The following STX8 variants were observed in gnomAD, a reference collection of about 807,000 sequenced individuals.
STX8 encodes syntaxin 8, also known as syntaxin-8.
A neutral mutation model predicts 37.5 loss-of-function variants in STX8; 23 were observed. The ratio of observed to expected loss-of-function variants is 0.61; its 90% confidence interval spans 0.44 to 0.87. STX8 has a LOEUF of 0.87. Among genes scored for constraint, STX8 ranks in the 40% least tolerant of loss-of-function variants. The pLI is 0.00. For missense variants in STX8, 313 were observed against 284.7 expected (o/e 1.10, Z -0.71); for synonymous variants, 115 against 99.1 (o/e 1.16, Z -0.95).
intron 6 of STX8, among the ~76,000 whole-genome samples, chr17:9,451,763 A>G (rs963473170): frequency 6.6e-6 from 1 of 150,672 alleles, no homozygotes; most frequent in African/African-American, 2.4e-5. Flanking sequence ...AAATATATTC[A>G]TATATACACA....
At chr17:9,329,236 C>T (rs778809304) in intron 7 of STX8, among the ~76,000 whole-genome samples, 3 of 152,020 alleles carry the variant, frequency 2.0e-5, no homozygotes, top group Non-Finnish European at 4.4e-5. Flanking sequence ...ACCAAAGTGC[C>T]AAACATCTGC....
intron 5 of STX8, among the ~76,000 whole-genome samples, chr17:9,502,552 AT>A (rs1200229398): frequency 1.3e-5 from 2 of 152,218 alleles, no homozygotes; most frequent in Non-Finnish European, 2.9e-5. Context: ...CATAAATATA[AT>A]TTTTACTTGC....
intron 6 of STX8, among the ~76,000 whole-genome samples, chr17:9,384,366 C>T (rs936886930): frequency 1.3e-5 from 2 of 151,984 alleles, no homozygotes; most frequent in African/African-American, 4.8e-5. Flanking sequence ...AGGCTGGATG[C>T]GGTGGCTCAC....
intron 7 of STX8, among the ~76,000 whole-genome samples, chr17:9,298,240 G>C (rs1908637642): frequency 6.6e-6 from 1 of 152,208 alleles, no homozygotes; most frequent in Admixed American, 6.5e-5. Context: ...CAGTAAAAGT[G>C]TCAGTGACTG....
intron 7 of STX8, among the ~76,000 whole-genome samples, chr17:9,369,296 C>T (rs905149487): frequency 2.0e-5 from 3 of 152,074 alleles, no homozygotes; most frequent in African/African-American, 4.8e-5. Flanking sequence ...GAGACAGACA[C>T]ACAAGAATGT....
intron 2 of STX8, among the ~76,000 whole-genome samples, chr17:9,559,123 G>T (rs914318186): frequency 3.9e-5 from 6 of 152,080 alleles, no homozygotes; most frequent in Admixed American, 1.3e-4. Context: ...TATCTAAGTA[G>T]TGGGATTTTC....
chr17:9,391,535 C>T (rs938086195), intron 6 of STX8, among the ~76,000 whole-genome samples: 2 of 151,132 alleles, frequency 1.3e-5, no homozygotes, highest in African/African-American at 2.4e-5. Flanking sequence ...CATGCAGCAA[C>T]AAAAAAGCAA....
chr17:9,440,530 T>TTTTTA (rs1904608095), intron 6 of STX8, among the ~76,000 whole-genome samples: 1 of 72,824 alleles, frequency 1.4e-5, no homozygotes, highest in African/African-American at 4.3e-5. Context: ...CAATGATTTT[T>TTTTTA]TTTTTTTTTT....
intron 4 of STX8, among the ~76,000 whole-genome samples, chr17:9,530,310 C>A (rs1212824085): frequency 3.8e-4 from 46 of 119,858 alleles, no homozygotes; most frequent in African/African-American, 1.3e-3. Context: ...GACTCCGTCT[C>A]AAAAAAAAAA....
At chr17:9,311,193 C>T (rs1017335459) in intron 7 of STX8, among the ~76,000 whole-genome samples, 6 of 149,690 alleles carry the variant, frequency 4.0e-5, no homozygotes, top group South Asian at 2.1e-4. Flanking sequence ...GCTGAGATTG[C>T]GCCACTGCAC....
At chr17:9,414,088 A>C (rs865869336) in intron 6 of STX8, among the ~76,000 whole-genome samples, 1 of 63,812 alleles carries the variant, frequency 1.6e-5, no homozygotes, top group Non-Finnish European at 2.9e-5. Flanking sequence ...CTGTCCATCC[A>C]TCCATCCATC....
chr17:9,556,794 TACACATAC>T lies in STX8; in HGVS notation c.212+632_212+639del, dbSNP rs1223946342. The T allele has an allele frequency of 3.3e-3, 86 of 26,406 alleles. No individual in the cohort carries two copies. The Middle Eastern group carries it at 0.054, about 16-fold the overall frequency. The allele number at this position is 26,406 out of a possible 1,614,324, so 1.6% of individuals were successfully genotyped here. ...ATATATATATATATATATATATATA[TACACATAC>T]ATATATATATATATATATTTTAACA... On this transcript the variant is annotated intron_variant, in intron 3 of 7. Transcript: ENST00000306357.
intron 7 of STX8, among the ~76,000 whole-genome samples, chr17:9,297,421 CAG>C (rs1284928200): frequency 5.3e-5 from 8 of 152,152 alleles, no homozygotes; most frequent in African/African-American, 1.9e-4. Flanking sequence ...AGCTTAGAGT[CAG>C]GGCCAGAGGT....
rs75723635 is a variant in STX8 at position 9,334,805 on chromosome 17, A to T, written c.643+43747T>A. On this transcript the variant is annotated intron_variant, in intron 7 of 7. Transcript: ENST00000306357. The stretch of plus-strand genomic sequence containing the variant: ...AAGGGTGGAAGGCATAAATGAGCAC[A>T]TAAGACAGACAGGAAAAGGGGGCTG... Among the ~76,000 whole-genome samples the T allele has an allele frequency of 5.9e-3, 892 of 152,308 alleles. 17 individuals carry two copies. The highest frequency in any genetic ancestry group is 0.02 in the African/African-American group (838 of 41,560).
chr17:9,321,937 G>A (rs1909592479), intron 7 of STX8, among the ~76,000 whole-genome samples: 1 of 152,252 alleles, frequency 6.6e-6, no homozygotes, highest in African/African-American at 2.4e-5. Context: ...GCAGGGGCCA[G>A]CTGATTTGTT....
At chr17:9,526,132 G>T (rs140795387) in intron 4 of STX8, among the ~76,000 whole-genome samples, 13 of 151,798 alleles carry the variant, frequency 8.6e-5, no homozygotes, top group African/African-American at 2.9e-4. Flanking sequence ...ATACATGAGG[G>T]CCCCTGAAAG....
At chr17:9,434,422 A>C (rs1352452216) in intron 6 of STX8, among the ~76,000 whole-genome samples, 1 of 152,254 alleles carries the variant, frequency 6.6e-6, no homozygotes, top group African/African-American at 2.4e-5. Context: ...GCGTTAGCAG[A>C]GGGGAAGACA....
At chr17:9,526,004 A>G (rs965699611) in intron 4 of STX8, among the ~76,000 whole-genome samples, 2 of 152,216 alleles carry the variant, frequency 1.3e-5, no homozygotes, top group Non-Finnish European at 2.9e-5. Flanking sequence ...AGAATGACAC[A>G]AGGCAAACTT....
At chr17:9,575,766 C>A (rs1327220351) in intron 1 of STX8, 26 bp downstream of exon 1, 2 of 1,546,420 alleles carry the variant, frequency 1.3e-6, no homozygotes, top group Admixed American at 2.0e-5. Context: ...TCCCTCCACG[C>A]ACCGCCGCCC....
Sources: allele counts gnomAD v4.1 joint callset (sites outside exome capture counted in the v4.1 genomes callset), GRCh38; gene constraint gnomAD v4.1.1; transcripts MANE v1.5; gene names NCBI Gene and HGNC (gene_info 2026-07-23, HGNC 2026-07-21).